Variants in SLC39A11 observed in about 807,000 individuals in gnomAD.
SLC39A11 encodes zinc transporter ZIP11.
A neutral mutation model predicts 36.1 loss-of-function variants in SLC39A11; 33 were observed. That is an observed-to-expected ratio of 0.91 (90% CI 0.69 to 1.22). SLC39A11 has a LOEUF of 1.22. Among genes scored for constraint, SLC39A11 ranks in the 50% most tolerant of loss-of-function variants. The pLI is 0.00. For missense variants in SLC39A11, 432 were observed against 430.3 expected (o/e 1.00, Z -0.03); for synonymous variants, 166 against 170.3 (o/e 0.97, Z 0.20).
At chr17:73,066,075 A>G (rs1461328514) in intron 3 of SLC39A11, among the ~76,000 whole-genome samples, 1 of 152,190 alleles carries the variant, frequency 6.6e-6, no homozygotes. Context: ...TGGCCATGAT[A>G]TTTTGTAAGC....
intron 5 of SLC39A11, among the ~76,000 whole-genome samples, chr17:72,890,062 C>T (rs2081643139): frequency 1.3e-5 from 2 of 151,970 alleles, no homozygotes; most frequent in African/African-American, 4.8e-5. Flanking sequence ...GAGTTCAAAA[C>T]CAGCCTGGCC....
chr17:72,674,385 T>C (rs2071160176), intron 7 of SLC39A11, among the ~76,000 whole-genome samples: 1 of 152,248 alleles, frequency 6.6e-6, no homozygotes, highest in Admixed American at 6.5e-5. Flanking sequence ...CCCACTCTTT[T>C]TGATGGCTAT....
In SLC39A11 at chr17:72,781,493, G is replaced by A. The variant is rs565629983; in HGVS notation, c.602-44774C>T. On this transcript the variant is annotated intron_variant, in intron 6 of 9. Transcript: ENST00000255559. ...GGCTGGAGTGCAATGGCGCGATCTC[G>A]GCTCACTGCAACCTCCACCTCCTGG... Among the ~76,000 whole-genome samples the A allele has an allele frequency of 2.0e-4, 30 of 151,040 alleles. No individual in the cohort carries two copies. In the East Asian group the frequency reaches 5.1e-3, roughly 25 times the overall value.
At chr17:72,702,427 T>C (rs779216384) in intron 7 of SLC39A11, among the ~76,000 whole-genome samples, 2 of 152,060 alleles carry the variant, frequency 1.3e-5, no homozygotes, top group Non-Finnish European at 2.9e-5. Flanking sequence ...AGGCATCTAG[T>C]GGGAAGAGGC....
At chr17:72,981,972 G>A (rs948149147) in intron 4 of SLC39A11, among the ~76,000 whole-genome samples, 5 of 152,174 alleles carry the variant, frequency 3.3e-5, no homozygotes, top group Non-Finnish European at 7.3e-5. Flanking sequence ...GGCCGGAGCA[G>A]TGGCACACAT....
intron 5 of SLC39A11, among the ~76,000 whole-genome samples, chr17:72,912,775 G>A (rs897238971): frequency 6.6e-6 from 1 of 152,164 alleles, no homozygotes; most frequent in Non-Finnish European, 1.5e-5. Flanking sequence ...GCAGAAGATG[G>A]AATCAAAATG....
intron 7 of SLC39A11, among the ~76,000 whole-genome samples, chr17:72,721,947 G>C (rs1419913643): frequency 7.6e-6 from 1 of 132,256 alleles, no homozygotes; most frequent in Admixed American, 8.9e-5. Flanking sequence ...TCCAGCCTGG[G>C]CAACAGGCAA....
intron 6 of SLC39A11, among the ~76,000 whole-genome samples, chr17:72,754,020 GTA>G (rs58028460): frequency 0.083 from 8,926 of 108,064 alleles, 462 homozygotes; most frequent in African/African-American, 0.17. Flanking sequence ...ATGTATATAT[GTA>G]TATATATATA....
chr17:72,982,901 T>G (rs528451313), intron 4 of SLC39A11, among the ~76,000 whole-genome samples: 93 of 152,312 alleles, frequency 6.1e-4, no homozygotes, highest in African/African-American at 2.1e-3. Flanking sequence ...TGCAAGTGTT[T>G]GGAGTATAAT....
At chr17:73,080,138 C>A (rs1337338264) in intron 3 of SLC39A11, among the ~76,000 whole-genome samples, 3 of 152,024 alleles carry the variant, frequency 2.0e-5, no homozygotes, top group African/African-American at 7.2e-5. Context: ...AAAAATAATC[C>A]TAAAATTCGT....
chr17:73,088,505 A>G, intron 2 of SLC39A11, 152 bp downstream of exon 2: 1 of 605,994 alleles, frequency 1.7e-6, no homozygotes, highest in Non-Finnish European at 3.0e-6. Context: ...AGGTGAGAAA[A>G]TAAGAAGACA....
At chr17:72,987,925 G>C (rs1005423708) in intron 4 of SLC39A11, among the ~76,000 whole-genome samples, 2 of 152,130 alleles carry the variant, frequency 1.3e-5, no homozygotes, top group Non-Finnish European at 2.9e-5. Context: ...TATTACTCTT[G>C]GCATGAATGG....
At chr17:72,713,910 G>A (rs1487029833) in intron 7 of SLC39A11, among the ~76,000 whole-genome samples, 1 of 152,146 alleles carries the variant, frequency 6.6e-6, no homozygotes, top group Non-Finnish European at 1.5e-5. Context: ...TTTTAAAAAA[G>A]CAAACTGAGG....
chr17:72,901,738 C>T lies in SLC39A11; in HGVS notation c.430+46014G>A, dbSNP rs571374460. On this transcript the variant is annotated intron_variant, in intron 5 of 9. Coordinates refer to ENST00000255559, the MANE Select transcript of SLC39A11 (RefSeq NM_139177.4). ...GTGGCAGTGAGTTGAATGGGGTCCC[C>T]TCTAAGATTCTGAATTCTGCTCTTC... is the stretch of plus-strand genomic sequence containing the variant. 1.8e-3 allele frequency among the ~76,000 whole-genome samples: 269 copies of T among 152,290 alleles called. 2 individuals are homozygous for T. In the Middle Eastern group the frequency reaches 0.02, roughly 12 times the overall value.
At chr17:72,722,698 G>A (rs906278546) in intron 7 of SLC39A11, among the ~76,000 whole-genome samples, 4 of 151,604 alleles carry the variant, frequency 2.6e-5, no homozygotes, top group African/African-American at 9.7e-5. Flanking sequence ...ACAATGGCAC[G>A]ATCTCAGCTC....
chr17:72,816,079 G>A (rs191877730), intron 6 of SLC39A11, among the ~76,000 whole-genome samples: 6 of 152,178 alleles, frequency 3.9e-5, no homozygotes, highest in East Asian at 1.9e-4. Flanking sequence ...AATCCATTGC[G>A]GAGAGTTGAA....
At chr17:72,699,124 T>C (rs561836738) in intron 7 of SLC39A11, among the ~76,000 whole-genome samples, 28 of 152,268 alleles carry the variant, frequency 1.8e-4, no homozygotes, top group South Asian at 1.7e-3. Context: ...CCACAGCGCC[T>C]GGCCGGAGGT....
intron 3 of SLC39A11, among the ~76,000 whole-genome samples, chr17:73,045,585 C>G (rs1385543624): frequency 1.3e-5 from 2 of 152,066 alleles, no homozygotes; most frequent in Admixed American, 6.6e-5. Context: ...CTGCTGTGCT[C>G]CAGTCTAATA....
Position 73,088,716 on chromosome 17 carries a change from A to G in SLC39A11, c.49T>C (p.Phe17Leu), listed in dbSNP as rs772129100. The G allele has an allele frequency of 6.2e-7, 1 of 1,612,638 alleles. No homozygotes were observed. ...SVFQALLGTF[F>L]TWGMTAAGAA... ...CCAGCTGCTGTCATCCCCCAGGTGAAGAAGGTCCCCAGCAAGGCCTGGAAC... is the reference window on the plus strand; with the variant it reads ...CCAGCTGCTGTCATCCCCCAGGTGAGGAAGGTCCCCAGCAAGGCCTGGAAC... Residue 17 changes from phenylalanine (F) to leucine (L), a missense_variant, in exon 2 of 10, where the codon TTC (phenylalanine) becomes CTC (leucine). Physicochemically the swap from Phe to Leu is conservative, Grantham distance 22 (BLOSUM62 0). Transcript: ENST00000255559.
Sources: gnomAD v4.1 joint callset for allele counts (sites outside exome capture counted in the v4.1 genomes callset) on GRCh38, gnomAD v4.1.1 for gene constraint, MANE v1.5 for transcripts, NCBI Gene and HGNC (gene_info 2026-07-23, HGNC 2026-07-21) for gene names.